The following TM4SF20 variants were observed in gnomAD, a reference collection of about 807,000 sequenced individuals.
The protein encoded by TM4SF20 is transmembrane 4 L6 family member 20.
In TM4SF20, 13 loss-of-function variants were observed where a neutral mutation model predicts 15.1. The observed-to-expected ratio is 0.86, with a 90% confidence interval of 0.56 to 1.36. TM4SF20 has a LOEUF of 1.36. Among genes scored for constraint, TM4SF20 ranks in the 40% most tolerant of loss-of-function variants. The pLI, the probability that TM4SF20 is intolerant of heterozygous loss-of-function variation, is 0.00. For synonymous variants in TM4SF20, 92 were observed against 96.6 expected (o/e 0.95, Z 0.28); for missense variants, 282 against 268.4 (o/e 1.05, Z -0.35).
chr2:227,367,941 C>T (rs1314043376), intron 2 of TM4SF20, among the ~76,000 whole-genome samples: 1 of 151,378 alleles, frequency 6.6e-6, no homozygotes, highest in Non-Finnish European at 1.5e-5. Context: ...AATCCTGATT[C>T]TTCCATGCTA....
chr2:227,372,374 G>T (rs527964736), intron 1 of TM4SF20, among the ~76,000 whole-genome samples: 3 of 152,212 alleles, frequency 2.0e-5, no homozygotes, highest in Admixed American at 6.5e-5. Flanking sequence ...GGCTGGGCGC[G>T]GTGGCTCATG....
intron 1 of TM4SF20, among the ~76,000 whole-genome samples, chr2:227,373,819 C>A (rs1439307546): frequency 6.6e-6 from 1 of 151,416 alleles, no homozygotes; most frequent in African/African-American, 2.4e-5. Flanking sequence ...GTCCCAGCTA[C>A]CAGGGAGCCT....
At chr2:227,380,732 T>G (rs754293463), upstream of TM4SF20, among the ~76,000 whole-genome samples, 1 of 131,488 alleles carries the variant, frequency 7.6e-6, no homozygotes, top group Non-Finnish European at 1.8e-5. Context: ...ATTCAGTGAG[T>G]GCTGTTGGGA....
intron 2 of TM4SF20, 148 bp downstream of exon 2, chr2:227,370,767 A>T (rs2076416822): frequency 1.4e-6 from 1 of 691,232 alleles, no homozygotes; most frequent in Admixed American, 2.1e-5. Flanking sequence ...CTAAATAAAT[A>T]AATAAAAATA....
At chr2:227,380,908 G>A (rs965737641), upstream of TM4SF20, among the ~76,000 whole-genome samples, 9 of 152,098 alleles carry the variant, frequency 5.9e-5, no homozygotes, top group South Asian at 2.1e-4. Flanking sequence ...CCAGACTAGG[G>A]GGTCCAGTTA....
At position 227,366,321 on chromosome 2, in the gene TM4SF20, G is replaced by A. The variant is rs1236931329; in HGVS notation, c.250-77C>T. The A allele has an allele frequency of 2.3e-6, 3 of 1,315,922 alleles. No individual in the cohort carries two copies. The African/African-American group carries it at 4.5e-5, about 20-fold the overall frequency. 81.5% of individuals were successfully genotyped at this position (1,315,922 alleles called of 1,614,324 possible). A position where few individuals can be genotyped will look rare whatever the true frequency, so the allele number is the denominator to read the frequency against. ...GTTTCAAGCTTCAGGAGCGTATACAGTCTTTTTTAAATCCAGTCGCCCTAA... is the reference window on the plus strand; with the variant it reads ...GTTTCAAGCTTCAGGAGCGTATACAATCTTTTTTAAATCCAGTCGCCCTAA... On this transcript the variant is annotated intron_variant, in intron 2 of 3. Coordinates refer to ENST00000304568, the MANE Select transcript of TM4SF20 (RefSeq NM_024795.4).
chr2:227,366,234 G>A lies in TM4SF20; in HGVS notation c.260C>T (p.Ser87Leu). The A allele has an allele frequency of 2.5e-6, 4 of 1,607,474 alleles. No individual in the cohort carries two copies. The highest frequency in any genetic ancestry group is 3.4e-6 in the Non-Finnish European group (4 of 1,178,348). ...CCNNRTGMFL[S>L]SLFSVITVIG... ...GACTGTGATCACACTGAAAAGTGAT[G>A]AAAGAAACATCTGAAAAATAAAATA... The change falls in exon 3 of 4, where the codon TCA becomes TTA. Residue 87 changes from serine (S) to leucine (L), a missense_variant. Ser to Leu is a moderately radical substitution (Grantham distance 145). Coordinates refer to ENST00000304568, the MANE Select transcript of TM4SF20 (RefSeq NM_024795.4).
At position 227,362,298 on chromosome 2, in the gene TM4SF20, T is replaced by A. The variant is rs2076365705; in HGVS notation, c.*1426A>T. 6.6e-6 allele frequency: 1 copy of A among 152,184 alleles called. No individual in the cohort carries two copies. 9.4% of individuals were successfully genotyped at this position (152,184 alleles called of 1,614,324 possible). A position where few individuals can be genotyped will look rare whatever the true frequency, so the allele number is the denominator to read the frequency against. ...TAGGTATTGTTTTTTAATTAATGAA[T>A]AATGTAAACATAGGAAAATAGGAGG... is the stretch of plus-strand genomic sequence containing the variant. On this transcript the variant is annotated 3_prime_UTR_variant, in exon 4 of 4. Transcript: ENST00000304568.
At chr2:227,366,001 T>TAA (rs1244163154) in intron 3 of TM4SF20, 92 bp downstream of exon 3, 1 of 1,334,106 alleles carries the variant, frequency 7.5e-7, no homozygotes, top group African/African-American at 1.5e-5. Flanking sequence ...TTGCATCAAA[T>TAA]AAAAACATGG....
chr2:227,369,427 C>CTTTTTT (rs57148409), intron 2 of TM4SF20, among the ~76,000 whole-genome samples: 8 of 125,286 alleles, frequency 6.4e-5, no homozygotes, highest in Non-Finnish European at 6.4e-5. Flanking sequence ...CCCCATCTGT[C>CTTTTTT]TTTTTTTTTT....
Position 227,379,280 on chromosome 2 carries a change from G to C in TM4SF20, c.-12C>G. ...TCGCAGCAGGTCATGGTCACCCCTG[G>C]CTCAGAAACGTTGTCAAAGTGGCTA... On this transcript the variant is annotated 5_prime_UTR_variant, in exon 1 of 4. Transcript: ENST00000304568. 6.2e-7 allele frequency: 1 copy of C among 1,611,122 alleles called. No individual in the cohort carries two copies. Among genetic ancestry groups the C allele is most frequent in the Non-Finnish European group, 8.5e-7 (1 of 1,178,162 alleles).
intron 1 of TM4SF20, among the ~76,000 whole-genome samples, chr2:227,378,096 AC>A (rs1194277134): frequency 6.6e-6 from 1 of 151,940 alleles, no homozygotes; most frequent in Non-Finnish European, 1.5e-5. Context: ...ACACACACAC[AC>A]ACAGGCACAC....
chr2:227,375,428 C>A (rs1401767850), intron 1 of TM4SF20, among the ~76,000 whole-genome samples: 1 of 152,166 alleles, frequency 6.6e-6, no homozygotes, highest in African/African-American at 2.4e-5. Context: ...AGAAAACCCA[C>A]AAAAGTATAT....
chr2:227,379,480 G>C, upstream of TM4SF20: 13 of 417,426 alleles, frequency 3.1e-5, no homozygotes, highest in East Asian at 3.6e-5. Context: ...AGGAAGGAAA[G>C]CAGAAAAAAA....
chr2:227,366,292 A>G, intron 2 of TM4SF20, 48 bp from the exon 3 acceptor site: 1 of 1,556,964 alleles, frequency 6.4e-7, no homozygotes, highest in Non-Finnish European at 8.8e-7. Flanking sequence ...CATGTTCTTG[A>G]TCTGTTTCAA....
At chr2:227,365,257 G>C (rs1473643534) in intron 3 of TM4SF20, among the ~76,000 whole-genome samples, 1 of 152,086 alleles carries the variant, frequency 6.6e-6, no homozygotes, top group East Asian at 1.9e-4. Flanking sequence ...AAAATTTGAG[G>C]GACTTTCTTT....
upstream of TM4SF20, among the ~76,000 whole-genome samples, chr2:227,379,715 C>A (rs2076470856): frequency 6.6e-6 from 1 of 152,126 alleles, no homozygotes; most frequent in South Asian, 2.1e-4. Context: ...TCCTCTGCTG[C>A]AAATATTAGA....
At chr2:227,380,468 C>T (rs2076474602), upstream of TM4SF20, among the ~76,000 whole-genome samples, 1 of 152,184 alleles carries the variant, frequency 6.6e-6, no homozygotes, top group African/African-American at 2.4e-5. Context: ...TCCAGGCTTC[C>T]ACAGTCACAG....
intron 2 of TM4SF20, among the ~76,000 whole-genome samples, chr2:227,370,471 T>A (rs1311863100): frequency 6.6e-6 from 1 of 152,062 alleles, no homozygotes; most frequent in African/African-American, 2.4e-5. Flanking sequence ...AATAGCATGT[T>A]TCAGGCCAGG....
Sources: gnomAD v4.1 joint callset for allele counts (sites outside exome capture counted in the v4.1 genomes callset) on GRCh38, gnomAD v4.1.1 for gene constraint, MANE v1.5 for transcripts, NCBI Gene and HGNC (gene_info 2026-07-23, HGNC 2026-07-21) for gene names.